Variants in PPARGC1A observed in about 807,000 individuals in gnomAD.
The protein encoded by PPARGC1A is peroxisome proliferator-activated receptor gamma coactivator 1-alpha.
A neutral mutation model predicts 88.7 loss-of-function variants in PPARGC1A; 25 were observed. The observed-to-expected ratio is 0.28, with a 90% CI of 0.21 to 0.39. The LOEUF is 0.39. Ranked by LOEUF, PPARGC1A falls within the 10% of genes least tolerant of loss-of-function variation. The pLI is 1.00. For synonymous variants in PPARGC1A, 363 were observed against 355.6 expected (o/e 1.02, Z -0.24); for missense variants, 880 against 968.7 (o/e 0.91, Z 1.22).
the PPARGC1A span, among the ~76,000 whole-genome samples, chr4:24,104,605 CAG>C: frequency 2.6e-5 from 4 of 152,178 alleles, no homozygotes; most frequent in African/African-American, 9.6e-5. Flanking sequence ...CAACACAATT[CAG>C]AGAGAGAGCT....
the PPARGC1A span, among the ~76,000 whole-genome samples, chr4:24,375,419 A>C: frequency 6.6e-6 from 1 of 152,226 alleles, no homozygotes; most frequent in Non-Finnish European, 1.5e-5. Flanking sequence ...ACCAAATTTT[A>C]TCAAAATCAG....
the PPARGC1A span, among the ~76,000 whole-genome samples, chr4:24,181,512 TATG>T: frequency 6.6e-6 from 1 of 152,176 alleles, no homozygotes; most frequent in Non-Finnish European, 1.5e-5. Context: ...TGTAGGTAAT[TATG>T]ATAATTTTTT....
At chr4:23,810,733 T>G (rs1720744612) in intron 10 of PPARGC1A, among the ~76,000 whole-genome samples, 1 of 152,180 alleles carries the variant, frequency 6.6e-6, no homozygotes, top group Non-Finnish European at 1.5e-5. Flanking sequence ...GTCCTATTTT[T>G]GGGGGAAAAA....
chr4:24,255,906 G>C, the PPARGC1A span, among the ~76,000 whole-genome samples: 1 of 152,168 alleles, frequency 6.6e-6, no homozygotes, highest in Non-Finnish European at 1.5e-5. Context: ...TTGGGTGAAT[G>C]AGTTAATACA....
chr4:24,037,448 G>A, the PPARGC1A span, among the ~76,000 whole-genome samples: 1 of 152,106 alleles, frequency 6.6e-6, no homozygotes, highest in South Asian at 2.1e-4. Flanking sequence ...GAATATTTAA[G>A]TAGAAATTAC....
At chr4:24,468,435 G>A in the PPARGC1A span, among the ~76,000 whole-genome samples, 4 of 152,122 alleles carry the variant, frequency 2.6e-5, no homozygotes, top group East Asian at 3.9e-4. Flanking sequence ...GCTCCCCCCC[G>A]CACACACACA....
chr4:24,173,273 T>C, the PPARGC1A span, among the ~76,000 whole-genome samples: 2 of 147,434 alleles, frequency 1.4e-5, no homozygotes, highest in African/African-American at 5.1e-5. Context: ...AGGTGAAATA[T>C]CCATATTAAA....
At chr4:24,149,023 G>T in the PPARGC1A span, among the ~76,000 whole-genome samples, 3 of 152,154 alleles carry the variant, frequency 2.0e-5, no homozygotes, top group South Asian at 4.2e-4. Context: ...GTTCATCTCT[G>T]GGTGGTCTTC....
At chr4:23,833,168 C>T (rs1289134421) in intron 2 of PPARGC1A, among the ~76,000 whole-genome samples, 1 of 152,164 alleles carries the variant, frequency 6.6e-6, no homozygotes, top group Admixed American at 6.5e-5. Context: ...ATATTTATTT[C>T]AGTACTCTGT....
chr4:24,091,098 CTGA>C, the PPARGC1A span, among the ~76,000 whole-genome samples: 10 of 152,216 alleles, frequency 6.6e-5, no homozygotes, highest in Admixed American at 6.5e-4. Flanking sequence ...TAAAGTAAGT[CTGA>C]TGACAGGTGT....
the PPARGC1A span, among the ~76,000 whole-genome samples, chr4:24,424,258 C>CTTTTTTT: frequency 2.9e-3 from 128 of 44,348 alleles, 38 homozygotes; most frequent in East Asian, 3.9e-3. Context: ...TATACACACA[C>CTTTTTTT]TTTTTTTTTT....
the PPARGC1A span, among the ~76,000 whole-genome samples, chr4:24,367,803 T>C: frequency 2.0e-5 from 3 of 152,198 alleles, no homozygotes; most frequent in East Asian, 5.8e-4. Flanking sequence ...TTCAAGCTCC[T>C]TTGGTGCTTG....
At chr4:24,272,499 A>G in the PPARGC1A span, among the ~76,000 whole-genome samples, 2,880 of 152,216 alleles carry the variant, frequency 0.019, 48 homozygotes, top group Non-Finnish European at 0.027. Flanking sequence ...GAAATTTAAT[A>G]CACTTCCCCC....
chr4:23,887,167 A>G (rs1231879216), intron 1 of PPARGC1A, among the ~76,000 whole-genome samples: 4 of 152,212 alleles, frequency 2.6e-5, no homozygotes, highest in South Asian at 2.1e-4. Context: ...TGTCATTTAC[A>G]TATTCCTTTC....
the PPARGC1A span, among the ~76,000 whole-genome samples, chr4:24,160,689 TC>T: frequency 6.6e-6 from 1 of 152,222 alleles, no homozygotes; most frequent in Admixed American, 6.5e-5. Context: ...TATTGTCCCT[TC>T]CCCTTGTAGA....
chr4:24,458,926 A>G, the PPARGC1A span, among the ~76,000 whole-genome samples: 3 of 152,244 alleles, frequency 2.0e-5, no homozygotes, highest in African/African-American at 4.8e-5. Flanking sequence ...CCTAGAAAGA[A>G]GACGGGAAAT....
At chr4:24,253,330 T>G in the PPARGC1A span, among the ~76,000 whole-genome samples, 1 of 152,198 alleles carries the variant, frequency 6.6e-6, no homozygotes, top group Non-Finnish European at 1.5e-5. Flanking sequence ...CTATTTAACG[T>G]TATGAGCACT....
the PPARGC1A span, among the ~76,000 whole-genome samples, chr4:24,115,282 TA>T: frequency 6.6e-6 from 1 of 152,206 alleles, no homozygotes; most frequent in Non-Finnish European, 1.5e-5. Flanking sequence ...ATTGTCGCTT[TA>T]AAAAATTCAG....
the PPARGC1A span, among the ~76,000 whole-genome samples, chr4:24,231,690 A>G: frequency 6.2e-4 from 94 of 152,334 alleles, no homozygotes; most frequent in African/African-American, 2.2e-3. Context: ...AGGAAACACA[A>G]AGAATGGGGG....
Sources: allele counts gnomAD v4.1 joint callset (sites outside exome capture counted in the v4.1 genomes callset), GRCh38; gene constraint gnomAD v4.1.1; transcripts MANE v1.5; gene names NCBI Gene and HGNC (gene_info 2026-07-23, HGNC 2026-07-21).